Variants in SYTL5 observed in about 807,000 individuals in gnomAD.
The protein encoded by SYTL5 is synaptotagmin like 5, also known as synaptotagmin-like protein 5.
Under a neutral mutation model 55.9 loss-of-function variants are expected in SYTL5, and 34 were observed. The observed-to-expected ratio is 0.61, with a 90% CI of 0.46 to 0.81. The LOEUF is 0.81. Among genes scored for constraint, SYTL5 ranks in the 30% least tolerant of loss-of-function variants. The pLI is 0.00. For synonymous variants in SYTL5, 221 were observed against 188.7 expected (o/e 1.17, Z -1.40); for missense variants, 637 against 546.7 (o/e 1.17, Z -1.65).
chrX:37,942,529 T>C, the SYTL5 span, among the ~76,000 whole-genome samples: 1 of 111,851 alleles, frequency 8.9e-6, no homozygotes, highest in African/African-American at 3.3e-5. Context: ...CACAGATGGC[T>C]TACGTTGTCC....
At chrX:38,013,355 A>C (rs1258227181) in intron 1 of SYTL5, among the ~76,000 whole-genome samples, 1 of 112,098 alleles carries the variant, frequency 8.9e-6, no homozygotes, top group East Asian at 2.8e-4. Flanking sequence ...AGACCTAAAG[A>C]GTAGGTTCCT....
the SYTL5 span, chrX:37,990,940 G>A: frequency 1.8e-5 from 22 of 1,210,053 alleles, no homozygotes; most frequent in South Asian, 7.0e-5. Flanking sequence ...TTCGTGGACC[G>A]CGTTGTGCAA....
At chrX:38,098,335 C>A (rs1318226057) in intron 9 of SYTL5, among the ~76,000 whole-genome samples, 1 of 110,576 alleles carries the variant, frequency 9.0e-6, no homozygotes, top group Admixed American at 9.5e-5. Flanking sequence ...TCTTAAAACC[C>A]TTACATTCAA....
the SYTL5 span, among the ~76,000 whole-genome samples, chrX:37,961,879 T>C: frequency 8.9e-6 from 1 of 111,929 alleles, no homozygotes; most frequent in African/African-American, 3.2e-5. Context: ...TTCTAATGCA[T>C]ATTACAAGTG....
At chrX:38,053,783 G>T (rs1299644635) in intron 2 of SYTL5, among the ~76,000 whole-genome samples, 1 of 112,081 alleles carries the variant, frequency 8.9e-6, no homozygotes, top group Non-Finnish European at 1.9e-5. Flanking sequence ...TAGTGTTATG[G>T]TATCAAAGAT....
the SYTL5 span, among the ~76,000 whole-genome samples, chrX:37,965,920 T>C: frequency 8.9e-6 from 1 of 112,531 alleles, no homozygotes; most frequent in African/African-American, 3.2e-5. Flanking sequence ...ATAGCTACTG[T>C]TCCTCTCTTG....
the SYTL5 span, among the ~76,000 whole-genome samples, chrX:37,953,407 A>G: frequency 2.7e-5 from 3 of 111,779 alleles, no homozygotes; most frequent in Non-Finnish European, 3.8e-5. Flanking sequence ...TTTAAGCCAA[A>G]GAGTAGAATT....
rs1937222083 is a variant in SYTL5, at chrX:38,106,655, C to A, written c.1218C>A (p.Val406=). The change falls in exon 11 of 17, where the codon GTC becomes GTA. Residue 406 remains valine (V), a synonymous_variant. Coordinates refer to ENST00000297875, the MANE Select transcript of SYTL5 (RefSeq NM_138780.3). The part of the protein sequence containing the change: ...SETGDYGNVK[V]SGEILLHISY... ...CGGGAGACTATGGCAACGTGAAAGT[C>A]AGTGGTGAAATCCTTCTCCATATCA... 8.3e-7 allele frequency: 1 copy of A among 1,207,811 alleles called. No individual in the cohort carries two copies. Among genetic ancestry groups the A allele is most frequent in the Non-Finnish European group, 1.1e-6 (1 of 893,946 alleles).
At chrX:38,113,849 CT>C (rs1325877690) in intron 13 of SYTL5, among the ~76,000 whole-genome samples, 1 of 111,344 alleles carries the variant, frequency 9.0e-6, no homozygotes, top group Non-Finnish European at 1.9e-5. Context: ...GTATTTAAGT[CT>C]CCTGGGGGTG....
At chrX:37,951,671 T>G in the SYTL5 span, among the ~76,000 whole-genome samples, 1 of 111,261 alleles carries the variant, frequency 9.0e-6, no homozygotes, top group Non-Finnish European at 1.9e-5. Context: ...TTTGAGGAAC[T>G]ACAAGCAGTG....
intron 3 of SYTL5, among the ~76,000 whole-genome samples, chrX:38,063,775 C>T (rs1432610266): frequency 1.8e-5 from 2 of 111,896 alleles, no homozygotes; most frequent in Non-Finnish European, 3.8e-5. Context: ...GTTACATTCC[C>T]TTAATGCATC....
At chrX:38,051,616 TC>T (rs1198834633) in intron 2 of SYTL5, among the ~76,000 whole-genome samples, 4 of 111,990 alleles carry the variant, frequency 3.6e-5, no homozygotes, top group Non-Finnish European at 7.5e-5. Flanking sequence ...GGTTTTCTTT[TC>T]CTCTTCTTTT....
Position 38,072,067 on chromosome X carries a change from G to C in SYTL5, c.350G>C (p.Gly117Ala), listed in dbSNP as rs760142513. 4 of 1,208,490 alleles carry C rather than the reference G, an allele frequency of 3.3e-6. No individual in the cohort carries two copies. In the East Asian group the frequency reaches 8.9e-5, roughly 27 times the overall value. Residue 117 changes from glycine to alanine, a missense_variant, in exon 4 of 17, where the codon GGT (glycine) becomes GCT (alanine). Physicochemically the swap from Gly to Ala is moderately conservative, Grantham distance 60 (BLOSUM62 0). Coordinates refer to ENST00000297875, the MANE Select transcript of SYTL5 (RefSeq NM_138780.3). ...AGTAGGCAGCTAAGGATTATAACTG[G>C]TGAGTGGTTTTTTGAAGAAAAGGCA... ...DKIAQLRIIT[G>A]EWFFEEKAKR...
intron 1 of SYTL5, among the ~76,000 whole-genome samples, chrX:38,021,364 A>G (rs1287223775): frequency 9.0e-6 from 1 of 111,677 alleles, no homozygotes; most frequent in African/African-American, 3.3e-5. Flanking sequence ...TCACTTCTCA[A>G]ATGTCTTATT....
At chrX:38,097,606 C>T (rs1196179370) in intron 9 of SYTL5, among the ~76,000 whole-genome samples, 1 of 110,037 alleles carries the variant, frequency 9.1e-6, no homozygotes, top group Non-Finnish European at 1.9e-5. Flanking sequence ...TTAGAAGATT[C>T]AATATTTTTA....
intron 15 of SYTL5, 144 bp from the exon 16 acceptor site, chrX:38,125,154 A>T: frequency 2.1e-6 from 1 of 483,127 alleles, no homozygotes; most frequent in Non-Finnish European, 3.4e-6. Context: ...GGGAAGAAAT[A>T]ATAAGTCAGT....
At chrX:37,915,163 C>T in the SYTL5 span, among the ~76,000 whole-genome samples, 2 of 111,379 alleles carry the variant, frequency 1.8e-5, no homozygotes, top group African/African-American at 3.3e-5. Context: ...TGTGTGCGCG[C>T]GCATGCACGT....
intron 2 of SYTL5, among the ~76,000 whole-genome samples, chrX:38,048,164 C>A (rs556159490): frequency 9.2e-6 from 1 of 108,968 alleles, no homozygotes; most frequent in East Asian, 2.9e-4. Flanking sequence ...CCAGCCTGGG[C>A]GACAGAGTGC....
chrX:38,110,419 G>T lies in SYTL5; in HGVS notation c.1533G>T (p.Glu511Asp). ...GTAATAGCTTCCTCGGGGAAGTAGA[G>T]ATTCCTTTTGACTCATGGAACTTTG... ...FGRNSFLGEV[E>D]IPFDSWNFEN... The change falls in exon 13 of 17, where the codon GAG becomes GAT. Residue 511 changes from glutamate (E) to aspartate (D), a missense_variant. Glu to Asp is a conservative substitution (Grantham distance 45, BLOSUM62 2). Coordinates refer to ENST00000297875, the MANE Select transcript of SYTL5 (RefSeq NM_138780.3). 8.3e-7 allele frequency: 1 copy of T among 1,209,225 alleles called. No individual in the cohort carries two copies. The highest frequency in any genetic ancestry group is 1.7e-5 in the African/African-American group (1 of 57,664).
Sources: gnomAD v4.1 joint callset for allele counts (sites outside exome capture counted in the v4.1 genomes callset) on GRCh38, gnomAD v4.1.1 for gene constraint, MANE v1.5 for transcripts, NCBI Gene and HGNC (gene_info 2026-07-23, HGNC 2026-07-21) for gene names.